Variants in NXN observed in about 807,000 individuals in gnomAD.
NXN encodes the protein nucleoredoxin 1.
NXN carries 16 observed loss-of-function variants against 48.6 expected under a neutral mutation model. The observed-to-expected ratio is 0.33, with a 90% CI of 0.22 to 0.50. The LOEUF (loss-of-function observed/expected upper bound fraction) is 0.50. NXN is among the 20% of genes least tolerant of loss of function. The pLI is 0.98. For synonymous variants in NXN, 281 were observed against 269.6 expected (o/e 1.04, Z -0.41); for missense variants, 492 against 605.5 (o/e 0.81, Z 1.97).
At chr17:826,264 G>A (rs796673101) in intron 1 of NXN, among the ~76,000 whole-genome samples, 186 bp from the exon 2 acceptor site, 7 of 152,060 alleles carry the variant, frequency 4.6e-5, no homozygotes, top group African/African-American at 9.6e-5. Context: ...ACTGCCCCCC[G>A]GGGTCTGTGA....
chr17:871,443 C>G (rs1416440678), intron 1 of NXN, among the ~76,000 whole-genome samples: 1 of 136,548 alleles, frequency 7.3e-6, no homozygotes, highest in Non-Finnish European at 1.5e-5. Flanking sequence ...CTCATCGTGT[C>G]CCCCAGGCTG....
chr17:936,931 G>A (rs552861720), intron 1 of NXN, among the ~76,000 whole-genome samples: 4 of 151,900 alleles, frequency 2.6e-5, no homozygotes, highest in Admixed American at 2.0e-4. Flanking sequence ...GGCCGGGTAC[G>A]GTGGCTCACG....
Position 805,131 on chromosome 17 carries a change from G to C in NXN, c.937C>G (p.Leu313Val). The change falls in exon 6 of 8, where the codon CTG becomes GTG. Residue 313 changes from leucine (L) to valine (V), a missense_variant. Transcript: ENST00000336868. ...GCGGCGTTGGAGTCGGAGAGCTCCA[G>C]CACGGGCTTGGGGTGCCAGGGGAAC... Reference protein sequence around the residue: ...REFPWHPKPVLELSDSNAAQL... With the variant: ...REFPWHPKPVVELSDSNAAQL... The C allele has an allele frequency of 1.2e-6, 2 of 1,610,214 alleles. No homozygotes were observed. Among genetic ancestry groups the C allele is most frequent in the Non-Finnish European group, 1.7e-6 (2 of 1,178,812 alleles).
rs920344467 is a variant in NXN, at chr17:819,619, C to T, written c.714-74G>A. On this transcript the variant is annotated intron_variant, in intron 4 of 7. Coordinates refer to ENST00000336868, the MANE Select transcript of NXN (RefSeq NM_022463.5). Reference sequence around the variant, plus strand: ...CAACGCTGAATCCTCCCACCTCTGCCGAGTTCTGCCCAGGGATTCTGCAGA... The same window carrying T: ...CAACGCTGAATCCTCCCACCTCTGCTGAGTTCTGCCCAGGGATTCTGCAGA... The T allele has an allele frequency of 8.7e-5, 93 of 1,070,192 alleles. 1 individual carries two copies. The South Asian group carries it at 1.2e-3, about 14-fold the overall frequency. 66.3% of individuals were successfully genotyped at this position (1,070,192 alleles called of 1,614,324 possible).
intron 1 of NXN, chr17:864,084 T>A: frequency 1.4e-6 from 2 of 1,431,354 alleles, no homozygotes; most frequent in Non-Finnish European, 1.8e-6. Context: ...CAGTTACCGT[T>A]GCTCGGTTCC....
intron 1 of NXN, among the ~76,000 whole-genome samples, chr17:974,861 G>A (rs569853331): frequency 6.6e-6 from 1 of 151,706 alleles, no homozygotes; most frequent in South Asian, 2.1e-4. Context: ...GGGTCTTGCT[G>A]TGTTGTCCTG....
chr17:805,958 G>C (rs994696409), intron 5 of NXN, among the ~76,000 whole-genome samples: 4 of 152,138 alleles, frequency 2.6e-5, no homozygotes, highest in Admixed American at 6.5e-5. Context: ...GTCAAACACG[G>C]AACAGGCAGT....
intron 1 of NXN, among the ~76,000 whole-genome samples, chr17:882,305 C>T (rs2068292913): frequency 6.6e-6 from 1 of 152,008 alleles, no homozygotes; most frequent in African/African-American, 2.4e-5. Flanking sequence ...AACCAACTAC[C>T]CTCCACCCAG....
At chr17:974,363 A>C (rs939988338) in intron 1 of NXN, among the ~76,000 whole-genome samples, 1 of 151,770 alleles carries the variant, frequency 6.6e-6, no homozygotes, top group Admixed American at 6.6e-5. Flanking sequence ...AAAAGTATAT[A>C]GATATATATA....
At chr17:808,519 T>C (rs921534550) in intron 5 of NXN, among the ~76,000 whole-genome samples, 1 of 152,008 alleles carries the variant, frequency 6.6e-6, no homozygotes, top group African/African-American at 2.4e-5. Context: ...GGTCTCGAAC[T>C]CCCGACCTCA....
intron 1 of NXN, among the ~76,000 whole-genome samples, chr17:883,359 C>T (rs377417940): frequency 3.3e-5 from 5 of 152,286 alleles, no homozygotes; most frequent in East Asian, 1.9e-4. Context: ...CCCTGCCCCC[C>T]GCCCAGAACT....
chr17:951,434 C>G (rs138722969), intron 1 of NXN, among the ~76,000 whole-genome samples: 3 of 151,974 alleles, frequency 2.0e-5, no homozygotes, highest in East Asian at 3.9e-4. Context: ...AACGATCGCA[C>G]GAGGGACCAG....
At chr17:971,655 A>G (rs2069380924) in intron 1 of NXN, among the ~76,000 whole-genome samples, 1 of 152,198 alleles carries the variant, frequency 6.6e-6, no homozygotes, top group African/African-American at 2.4e-5. Context: ...GCTGGCAGTC[A>G]GCCGAGATCG....
chr17:954,696 G>A (rs559968028), intron 1 of NXN, among the ~76,000 whole-genome samples: 17 of 152,288 alleles, frequency 1.1e-4, no homozygotes, highest in African/African-American at 3.4e-4. Context: ...CTGCCCGGAC[G>A]GGCCCCAGGA....
intron 6 of NXN, 81 bp from the exon 7 acceptor site, chr17:803,887 C>T (rs1332806738): frequency 1.3e-6 from 2 of 1,580,868 alleles, no homozygotes; most frequent in East Asian, 4.5e-5. Flanking sequence ...CCGAGGGGGC[C>T]TGAGCTGCAG....
intron 1 of NXN, among the ~76,000 whole-genome samples, chr17:968,665 T>C (rs182250172): frequency 6.6e-6 from 1 of 152,152 alleles, no homozygotes; most frequent in East Asian, 1.9e-4. Flanking sequence ...AGGCCAGGCA[T>C]GGTGGCTCAC....
At chr17:907,285 G>A (rs2068589747) in intron 1 of NXN, among the ~76,000 whole-genome samples, 1 of 152,026 alleles carries the variant, frequency 6.6e-6, no homozygotes. Flanking sequence ...TGTGAATTTA[G>A]GTGATTGCTT....
chr17:808,389 A>C (rs921470388), intron 5 of NXN, among the ~76,000 whole-genome samples: 1 of 143,322 alleles, frequency 7.0e-6, no homozygotes, highest in Non-Finnish European at 1.5e-5. Flanking sequence ...TGCAAGCTCC[A>C]CCTCCCGGGT....
intron 1 of NXN, among the ~76,000 whole-genome samples, chr17:951,580 G>C (rs985739741): frequency 4.0e-5 from 6 of 151,222 alleles, no homozygotes; most frequent in Non-Finnish European, 8.9e-5. Flanking sequence ...CGGGGGTTGG[G>C]GGCGGGAGGG....
Sources: allele counts gnomAD v4.1 joint callset (sites outside exome capture counted in the v4.1 genomes callset), GRCh38; gene constraint gnomAD v4.1.1; transcripts MANE v1.5; gene names NCBI Gene and HGNC (gene_info 2026-07-23, HGNC 2026-07-21).